The following DCHS2 variants were observed in gnomAD, a reference collection of about 807,000 sequenced individuals.
DCHS2 encodes the protein dachsous cadherin-related 2.
A neutral mutation model predicts 182.4 loss-of-function variants in DCHS2; 142 were observed. That is an observed-to-expected ratio of 0.78 (90% CI 0.68 to 0.89). DCHS2 has a LOEUF of 0.89. Among genes scored for constraint, DCHS2 ranks in the 40% least tolerant of loss-of-function variants. DCHS2 has a pLI of 0.00. For synonymous variants in DCHS2, 1,740 were observed against 1,663.3 expected (o/e 1.05, Z -1.12); for missense variants, 4,319 against 4,198.6 (o/e 1.03, Z -0.79).
At chr4:154,332,287 G>A (rs943753279) in intron 5 of DCHS2, among the ~76,000 whole-genome samples, 191 bp downstream of exon 5, 3 of 152,182 alleles carry the variant, frequency 2.0e-5, no homozygotes, top group African/African-American at 7.2e-5. Flanking sequence ...CCTCACAATA[G>A]AGTAATCGAA....
rs555949148 is a variant in DCHS2 at position 154,281,649 on chromosome 4, T to C, written c.6464-11636A>G. 2.6e-5 allele frequency among the ~76,000 whole-genome samples: 4 copies of C among 152,158 alleles called. No homozygotes were observed. The East Asian group carries it at 5.8e-4, about 22-fold the overall frequency. On this transcript the variant is annotated intron_variant, in intron 13 of 19. Coordinates refer to ENST00000357232, the MANE Select transcript of DCHS2 (RefSeq NM_001358235.2). ...AATTCAATCCCTACCAAATCTTCAA[T>C]GTCATTTTTTGTAGAGTTCGTATAA...
rs1233496995 is a variant in DCHS2 at position 154,490,653 on chromosome 4, G to T, written c.703C>A (p.Leu235Ile). Residue 235 changes from leucine (L) to isoleucine (I), a missense_variant, in exon 1 of 20, where the codon CTT (leucine) becomes ATT (isoleucine). Physicochemically the swap from Leu to Ile is conservative, Grantham distance 5. Coordinates refer to ENST00000357232, the MANE Select transcript of DCHS2 (RefSeq NM_001358235.2). Reference sequence around the variant, plus strand: ...AGGGGTGACGAGGAGCCTGGCAAAAGCGGTGACGGTAGTGGCCCCGGAGTC... The same window carrying T: ...AGGGGTGACGAGGAGCCTGGCAAAATCGGTGACGGTAGTGGCCCCGGAGTC... ...YRTPGPLPSP[L>I]LPGSSSPLEP... 6.4e-7 allele frequency: 1 copy of T among 1,551,300 alleles called. No individual in the cohort carries two copies. The highest frequency in any genetic ancestry group is 2.4e-5 in the East Asian group (1 of 40,914).
At chr4:154,267,729 A>G (rs774653643) in intron 14 of DCHS2, among the ~76,000 whole-genome samples, 78 of 152,116 alleles carry the variant, frequency 5.1e-4, no homozygotes, top group South Asian at 1.2e-3. Flanking sequence ...CTTTACGGCA[A>G]TTAGAGATTT....
intron 1 of DCHS2, among the ~76,000 whole-genome samples, chr4:154,387,963 G>A (rs574118953): frequency 1.4e-4 from 21 of 151,972 alleles, no homozygotes; most frequent in African/African-American, 5.1e-4. Flanking sequence ...TTCCAAATTG[G>A]CAATCATTAA....
At chr4:154,350,622 C>G (rs1361678268) in intron 3 of DCHS2, among the ~76,000 whole-genome samples, 2 of 152,074 alleles carry the variant, frequency 1.3e-5, no homozygotes, top group African/African-American at 4.8e-5. Flanking sequence ...TATTTTTATT[C>G]TAAAGCCAAC....
At chr4:154,266,577 AC>A (rs1733274150) in intron 14 of DCHS2, among the ~76,000 whole-genome samples, 1 of 150,560 alleles carries the variant, frequency 6.6e-6, no homozygotes, top group African/African-American at 2.4e-5. Flanking sequence ...AATCGCTTGA[AC>A]CCAGGAGGTG....
intron 2 of DCHS2, among the ~76,000 whole-genome samples, chr4:154,372,627 G>T (rs1352716427): frequency 6.6e-6 from 1 of 152,114 alleles, no homozygotes; most frequent in African/African-American, 2.4e-5. Context: ...AAAAATGAAT[G>T]GGAAAAGGAA....
chr4:154,281,662 A>G (rs1359925367), intron 13 of DCHS2, among the ~76,000 whole-genome samples: 2 of 152,168 alleles, frequency 1.3e-5, no homozygotes, highest in Non-Finnish European at 2.9e-5. Flanking sequence ...CATTTTTTGT[A>G]GAGTTCGTAT....
chr4:154,277,418 G>A (rs1455476077), intron 13 of DCHS2, among the ~76,000 whole-genome samples: 5 of 152,114 alleles, frequency 3.3e-5, no homozygotes, highest in African/African-American at 4.8e-5. Context: ...ACCAGAGAGA[G>A]CAAGAGACTA....
intron 2 of DCHS2, among the ~76,000 whole-genome samples, chr4:154,371,200 A>T (rs1730627702): frequency 6.6e-6 from 1 of 152,012 alleles, no homozygotes; most frequent in African/African-American, 2.4e-5. Flanking sequence ...TTAAGTCATG[A>T]CAGGAAAAAA....
At chr4:154,444,638 C>T (rs1734189951) in intron 1 of DCHS2, among the ~76,000 whole-genome samples, 1 of 152,184 alleles carries the variant, frequency 6.6e-6, no homozygotes, top group African/African-American at 2.4e-5. Context: ...ACCCCCAGCA[C>T]CACCCTCACA....
chr4:154,396,363 G>A (rs1731929337), intron 1 of DCHS2, among the ~76,000 whole-genome samples: 1 of 152,090 alleles, frequency 6.6e-6, no homozygotes, highest in East Asian at 1.9e-4. Context: ...GTTCTGCCCA[G>A]AAAAGAGAGG....
rs528020569 is a variant in DCHS2 at position 154,242,711 on chromosome 4, C to T, written c.7003G>A (p.Val2335Ile). 2 of 1,613,010 alleles carry T rather than the reference C, an allele frequency of 1.2e-6. No individual in the cohort carries two copies. Among genetic ancestry groups the T allele is most frequent in the Admixed American group, 1.7e-5 (1 of 59,920 alleles). ...PRLSNTTVIK[V>I]QVTDINDNAP... ...TTGTCATTTATATCAGTCACCTGTA[C>T]CTTGATTACAGTCGTATTAGAAAGC... Residue 2335 changes from valine (V) to isoleucine (I), a missense_variant, in exon 17 of 20, where the codon GTA becomes ATA. Coordinates refer to ENST00000357232, the MANE Select transcript of DCHS2 (RefSeq NM_001358235.2).
chr4:154,343,369 A>G (rs1729201259), intron 3 of DCHS2: 2 of 1,177,180 alleles, frequency 1.7e-6, no homozygotes, highest in Non-Finnish European at 2.2e-6. Flanking sequence ...GAAGCCAGGC[A>G]TTGACTTCTC....
chr4:154,235,950 C>G lies in DCHS2; in HGVS notation c.8702G>C (p.Arg2901Thr). Residue 2901 changes from arginine to threonine, a missense_variant, in exon 20 of 20, where the codon AGA becomes ACA. Physicochemically the swap from Arg to Thr is moderately conservative, Grantham distance 71. Transcript: ENST00000357232. Reference sequence around the variant, plus strand: ...AGCATCTGCATCTGAGGCTTCCACTCTGCCAATCAACTGTCTGTCTTTATT... The same window carrying G: ...AGCATCTGCATCTGAGGCTTCCACTGTGCCAATCAACTGTCTGTCTTTATT... ...EKNKDRQLIG[R>T]VEASDADAGI... 1.2e-6 allele frequency: 2 copies of G among 1,614,010 alleles called. No homozygotes were observed. The highest frequency in any genetic ancestry group is 2.7e-5 in the African/African-American group (2 of 75,036).
Position 154,333,158 on chromosome 4 carries a change from G to A in DCHS2, c.3050C>T (p.Ser1017Phe), listed in dbSNP as rs1384974457. Residue 1017 changes from serine to phenylalanine, a missense_variant, in exon 5 of 20, where the codon TCC (serine) becomes TTC (phenylalanine). Ser to Phe is a radical substitution (Grantham distance 155, BLOSUM62 -2). Transcript: ENST00000357232. ...DSGRNGLIRY[S>F]IASPQPGVFA... ...GACGCCTGGCTGCGGGCTGGCGATG[G>A]AGTACCGGATGAGTCCGTTCCGCCC... is the stretch of plus-strand genomic sequence containing the variant. 5 of 1,614,176 alleles carry A rather than the reference G, an allele frequency of 3.1e-6. No homozygotes were observed. Among genetic ancestry groups the A allele is most frequent in the South Asian group, 1.1e-5 (1 of 91,070 alleles).
At chr4:154,280,518 A>G (rs1016669307) in intron 13 of DCHS2, among the ~76,000 whole-genome samples, 3 of 152,174 alleles carry the variant, frequency 2.0e-5, no homozygotes, top group African/African-American at 7.2e-5. Flanking sequence ...TAAAAGGATT[A>G]TATACCATGA....
chr4:154,330,583 A>T (rs964877104), intron 5 of DCHS2, among the ~76,000 whole-genome samples: 1 of 152,312 alleles, frequency 6.6e-6, no homozygotes, highest in Admixed American at 6.5e-5. Context: ...TGAAAAAAAA[A>T]TGTACCTGTG....
intron 1 of DCHS2, among the ~76,000 whole-genome samples, chr4:154,417,309 A>C (rs1258463128): frequency 1.3e-5 from 2 of 151,720 alleles, no homozygotes; most frequent in Admixed American, 1.3e-4. Context: ...TCCCAAGTGC[A>C]CTGTGAGCAC....
Sources: allele counts gnomAD v4.1 joint callset (sites outside exome capture counted in the v4.1 genomes callset), GRCh38; gene constraint gnomAD v4.1.1; transcripts MANE v1.5; gene names NCBI Gene and HGNC (gene_info 2026-07-23, HGNC 2026-07-21).